The following GNA14 variants were observed in gnomAD, a reference collection of about 807,000 sequenced individuals.
The protein encoded by GNA14 is G protein subunit alpha 14, also known as guanine nucleotide-binding protein subunit alpha-14.
A neutral mutation model predicts 42.0 loss-of-function variants in GNA14; 50 were observed. The ratio of observed to expected loss-of-function variants is 1.19; its 90% CI spans 0.95 to 1.51. GNA14 has a LOEUF of 1.51. GNA14 is among the 40% of genes most tolerant of loss of function. GNA14 has a pLI of 0.00. For synonymous variants in GNA14, 173 were observed against 163.1 expected (o/e 1.06, Z -0.46); for missense variants, 473 against 446.2 (o/e 1.06, Z -0.54).
chr9:77,555,619 T>C (rs1462149402), intron 1 of GNA14, among the ~76,000 whole-genome samples: 1 of 152,174 alleles, frequency 6.6e-6, no homozygotes, highest in African/African-American at 2.4e-5. Context: ...CAGATGATTG[T>C]TGTGTTCTTT....
At chr9:77,445,195 A>G (rs1835795387) in intron 2 of GNA14, among the ~76,000 whole-genome samples, 2 of 152,148 alleles carry the variant, frequency 1.3e-5, no homozygotes, top group Admixed American at 1.3e-4. Context: ...CTTGCCAAAG[A>G]TTGCTCTGTG....
intron 2 of GNA14, among the ~76,000 whole-genome samples, chr9:77,452,593 TGTGG>T (rs1195299813): frequency 3.4e-5 from 4 of 118,844 alleles, no homozygotes; most frequent in Non-Finnish European, 6.7e-5. Flanking sequence ...TATGTGTGTG[TGTGG>T]TGTGTATGTG....
intron 1 of GNA14, among the ~76,000 whole-genome samples, chr9:77,552,988 C>G (rs925068941): frequency 6.6e-5 from 10 of 152,124 alleles, no homozygotes; most frequent in African/African-American, 2.4e-4. Context: ...ATCATCATGA[C>G]AATATGAATG....
At chr9:77,566,733 G>A (rs1158608449) in intron 1 of GNA14, among the ~76,000 whole-genome samples, 2 of 152,078 alleles carry the variant, frequency 1.3e-5, no homozygotes, top group Non-Finnish European at 2.9e-5. Flanking sequence ...AGTAATATTT[G>A]GAAGTTTTAA....
In GNA14 at chr9:77,536,667, C is replaced by T. The variant is rs114245838; in HGVS notation, c.125-7414G>A. Among the ~76,000 whole-genome samples the T allele has an allele frequency of 8.3e-3, 1,264 of 152,204 alleles. 24 individuals carry two copies. The highest frequency in any genetic ancestry group is 0.029 in the African/African-American group (1,208 of 41,536). On this transcript the variant is annotated intron_variant, in intron 1 of 6. Transcript: ENST00000341700. The stretch of plus-strand genomic sequence containing the variant: ...GCCCTGCCTTATTAGTCTCTTGATT[C>T]GTTAATCTGCAAAACCATCTTTATT...
rs147831855 is a variant in GNA14 at position 77,515,712 on chromosome 9, C to G, written c.309+13357G>C. Among the ~76,000 whole-genome samples the G allele has an allele frequency of 1.3e-4, 20 of 151,964 alleles. No individual in the cohort carries two copies. The East Asian group carries it at 3.9e-3, about 30-fold the overall frequency. ...GTTTCTGTGGCTCACGTCAGTAATC[C>G]CAACACTTTGGAAGGCCAAGGTAGG... On this transcript the variant is annotated intron_variant, in intron 2 of 6. Transcript: ENST00000341700.
At chr9:77,618,066 C>A (rs1306531581) in intron 1 of GNA14, among the ~76,000 whole-genome samples, 1 of 152,046 alleles carries the variant, frequency 6.6e-6, no homozygotes, top group Non-Finnish European at 1.5e-5. Context: ...CCTTTGTTCT[C>A]TTCTAAGTAC....
At chr9:77,574,284 G>A (rs1823099726) in intron 1 of GNA14, among the ~76,000 whole-genome samples, 1 of 152,214 alleles carries the variant, frequency 6.6e-6, no homozygotes, top group Admixed American at 6.5e-5. Flanking sequence ...TTTCAAGTGT[G>A]AAGAAAAAGG....
chr9:77,537,102 G>A lies in GNA14; in HGVS notation c.125-7849C>T, dbSNP rs190281131. ...GTAACATTTCAAGTCCTCTCTTCTA[G>A]CTACTTTGAGTATACAATACACTGT... On this transcript the variant is annotated intron_variant, in intron 1 of 6. Transcript: ENST00000341700. Among the ~76,000 whole-genome samples, 881 of 152,096 alleles carry A rather than the reference G, an allele frequency of 5.8e-3. 2 individuals carry two copies. The highest frequency in any genetic ancestry group is 8.1e-3 in the Non-Finnish European group (554 of 67,996).
Position 77,529,254 on chromosome 9 carries a change from C to G in GNA14, c.125-1G>C, listed in dbSNP as rs767126239. 1.2e-6 allele frequency: 2 copies of G among 1,612,598 alleles called. No homozygotes were observed. The highest frequency in any genetic ancestry group is 1.7e-6 in the Non-Finnish European group (2 of 1,178,770). On this transcript the variant is annotated splice_acceptor_variant, in intron 1 of 6. Transcript: ENST00000341700. LOFTEE classifies it high-confidence loss of function. ...GTGCTTTTCCCACTTTCACCAGTTC[C>G]TATAAGACAAAACAAGTGGAAAACG...
intron 1 of GNA14, among the ~76,000 whole-genome samples, chr9:77,577,105 G>A (rs1256049484): frequency 6.6e-6 from 1 of 152,180 alleles, no homozygotes; most frequent in African/African-American, 2.4e-5. Context: ...AGGGCTTTAG[G>A]CTAGACACCA....
At position 77,434,515 on chromosome 9, in the gene GNA14, G is replaced by A. The variant is rs1835611932; in HGVS notation, c.317C>T (p.Ala106Val). Residue 106 changes from alanine (A) to valine (V), a missense_variant, in exon 3 of 7, where the codon GCC (alanine) becomes GTC (valine). Ala to Val is a moderately conservative substitution (Grantham distance 64). Coordinates refer to ENST00000341700, the MANE Select transcript of GNA14 (RefSeq NM_004297.4). The part of the protein sequence containing the change: ...QYVCEQNKEN[A>V]QIIREVEVDK... ...CACTTCCACTTCTCTGATTATCTGG[G>A]CATTTTCCTACTCAAAGGAAAGAGA... 1 of 1,612,666 alleles carries A rather than the reference G, an allele frequency of 6.2e-7. No homozygotes were observed. The highest frequency in any genetic ancestry group is 1.7e-5 in the Admixed American group (1 of 59,672).
chr9:77,458,784 C>T lies in GNA14; in HGVS notation c.310-24262G>A, dbSNP rs778569078. ...ATTTGGCATTAGCAGGGCTACATCC[C>T]GAGGGGACACAGCAGAAATCAGGGC... On this transcript the variant is annotated intron_variant, in intron 2 of 6. Coordinates refer to ENST00000341700, the MANE Select transcript of GNA14 (RefSeq NM_004297.4). 2.6e-5 allele frequency among the ~76,000 whole-genome samples: 4 copies of T among 151,944 alleles called. 1 individual carries two copies. The highest frequency in any genetic ancestry group is 4.2e-4 in the South Asian group (2 of 4,814).
chr9:77,424,932 A>G (rs1181140146), intron 6 of GNA14, among the ~76,000 whole-genome samples: 7 of 152,148 alleles, frequency 4.6e-5, no homozygotes, highest in Non-Finnish European at 7.4e-5. Flanking sequence ...ATCAGTGTCA[A>G]ACTTAAGGTT....
chr9:77,618,788 T>C (rs1023765715), intron 1 of GNA14, among the ~76,000 whole-genome samples: 5 of 146,196 alleles, frequency 3.4e-5, no homozygotes, highest in Middle Eastern at 3.4e-3. Context: ...CGCCCGCCAC[T>C]ACGCCCGGCT....
intron 3 of GNA14, chr9:77,431,720 C>T (rs1246510408): frequency 3.0e-6 from 1 of 330,020 alleles, no homozygotes; most frequent in East Asian, 4.8e-5. Flanking sequence ...AGCTCTATCG[C>T]TTCTATTTGA....
chr9:77,439,861 G>A (rs897868030), intron 2 of GNA14, among the ~76,000 whole-genome samples: 1 of 152,086 alleles, frequency 6.6e-6, no homozygotes, highest in Non-Finnish European at 1.5e-5. Context: ...GTCGGAAGAG[G>A]ACAAGGGTTA....
chr9:77,548,243 A>C (rs1326666629), intron 1 of GNA14, among the ~76,000 whole-genome samples: 1 of 152,122 alleles, frequency 6.6e-6, no homozygotes, highest in Non-Finnish European at 1.5e-5. Context: ...GTGGCAGTGT[A>C]ACTCCAACCT....
chr9:77,493,296 A>G (rs1836817921), intron 2 of GNA14, among the ~76,000 whole-genome samples: 1 of 151,988 alleles, frequency 6.6e-6, no homozygotes, highest in African/African-American at 2.4e-5. Flanking sequence ...CCATTTGGAT[A>G]CGGGCATTTA....
Sources: gnomAD v4.1 joint callset for allele counts (sites outside exome capture counted in the v4.1 genomes callset) on GRCh38, gnomAD v4.1.1 for gene constraint, MANE v1.5 for transcripts, NCBI Gene and HGNC (gene_info 2026-07-23, HGNC 2026-07-21) for gene names.